The following SRP9 variants were observed in gnomAD, a reference collection of about 807,000 sequenced individuals.
The protein encoded by SRP9 is signal recognition particle 9.
In SRP9, 2 loss-of-function variants were observed where a neutral mutation model predicts 11.7. That is an observed-to-expected ratio of 0.17 (90% CI 0.07 to 0.54). The LOEUF is 0.54. SRP9 is among the 20% of genes least tolerant of loss of function. The probability of loss-of-function intolerance (pLI) is 0.94; values close to 1 mark genes in which losing one functional copy is unlikely to be tolerated. For synonymous variants in SRP9, 27 were observed against 35.6 expected (o/e 0.76, Z 0.86); for missense variants, 54 against 108.1 (o/e 0.50, Z 2.22).
Position 225,777,940 on chromosome 1 carries a change from G to T in SRP9, c.-1G>T, listed in dbSNP as rs1318668345. 3 of 1,613,892 alleles carry T rather than the reference G, an allele frequency of 1.9e-6. No homozygotes were observed. The highest frequency in any genetic ancestry group is 2.5e-6 in the Non-Finnish European group (3 of 1,179,794). ...TCTTTACTTTTCCACTCTAGGCCAC[G>T]ATGCCGCAGTACCAGACCTGGGAGG... On this transcript the variant is annotated 5_prime_UTR_variant, in exon 1 of 3. Transcript: ENST00000304786.
chr1:225,785,726 A>G (rs531523926), intron 2 of SRP9, among the ~76,000 whole-genome samples: 32 of 143,964 alleles, frequency 2.2e-4, no homozygotes, highest in African/African-American at 7.8e-4. Flanking sequence ...TCTATTACCC[A>G]GACTGGAGTG....
rs779811715 is a variant in SRP9 at position 225,789,335 on chromosome 1, C to T, written c.237C>T (p.Arg79=). The T allele has an allele frequency of 6.2e-7, 1 of 1,602,974 alleles. No individual in the cohort carries two copies. Among genetic ancestry groups the T allele is most frequent in the Non-Finnish European group, 8.5e-7 (1 of 1,175,432 alleles). The change falls in exon 3 of 3, where the codon CGC becomes CGT. Residue 79 remains arginine, a synonymous_variant. Coordinates refer to ENST00000304786, the MANE Select transcript of SRP9 (RefSeq NM_003133.6). ...LMRLMVAKEA[R]NVTMETE ...GACTTATGGTAGCCAAGGAAGCCCG[C>T]AATGTTACCATGGAAACTGAGTGAA...
Position 225,779,817 on chromosome 1 carries a change from A to G in SRP9, c.72+1805A>G, listed in dbSNP as rs374696921. 1.4e-4 allele frequency among the ~76,000 whole-genome samples: 22 copies of G among 152,290 alleles called. 1 individual carries two copies. The South Asian group carries it at 3.5e-3, about 24-fold the overall frequency. On this transcript the variant is annotated intron_variant, in intron 1 of 2. Transcript: ENST00000304786. ...GGTCATTTGTTTCTTCATTCAGACAATGCTACTCTGAGACCACACAGGACT... is the reference window on the plus strand; with the variant it reads ...GGTCATTTGTTTCTTCATTCAGACAGTGCTACTCTGAGACCACACAGGACT...
At chr1:225,780,638 A>T (rs1451556762) in intron 1 of SRP9, among the ~76,000 whole-genome samples, 1 of 152,186 alleles carries the variant, frequency 6.6e-6, no homozygotes, top group Non-Finnish European at 1.5e-5. Context: ...TTCTTGAGAG[A>T]TTAAGATGAA....
chr1:225,787,101 C>T (rs1665933354), intron 2 of SRP9: 1 of 277,276 alleles, frequency 3.6e-6, no homozygotes, highest in Non-Finnish European at 7.1e-6. Flanking sequence ...GCCTTAGCCT[C>T]CCAAACCACT....
intron 2 of SRP9, 48 bp from the exon 3 acceptor site, chr1:225,789,192 A>G: frequency 6.3e-7 from 1 of 1,582,426 alleles, no homozygotes; most frequent in Non-Finnish European, 8.6e-7. Context: ...CTACATTGTC[A>G]GTATCTAGTT....
intron 2 of SRP9, among the ~76,000 whole-genome samples, chr1:225,784,371 C>G (rs1442803637): frequency 1.3e-5 from 2 of 149,636 alleles, no homozygotes; most frequent in African/African-American, 4.9e-5. Flanking sequence ...CTCAGCCTCC[C>G]GAGTAGCTGG....
chr1:225,789,005 A>G, intron 2 of SRP9: 1 of 1,550,088 alleles, frequency 6.5e-7, no homozygotes, highest in African/African-American at 1.4e-5. Context: ...GAAGCTTCTA[A>G]TAGACTTCAT....
In SRP9 at chr1:225,778,196, C is replaced by A. The variant is rs550940721; in HGVS notation, c.72+184C>A. 2.6e-5 allele frequency among the ~76,000 whole-genome samples: 4 copies of A among 152,344 alleles called. No individual in the cohort carries two copies. The East Asian group carries it at 7.7e-4, about 29-fold the overall frequency. On this transcript the variant is annotated intron_variant, in intron 1 of 2. Transcript: ENST00000304786. The stretch of plus-strand genomic sequence containing the variant: ...CCCTGATCTAGCGGCCCAGTGAGGC[C>A]CTGAAGCTGGCAACAGCCAGGTTCA...
chr1:225,789,046 A>C, intron 2 of SRP9, 194 bp from the exon 3 acceptor site: 3 of 1,550,988 alleles, frequency 1.9e-6, no homozygotes, highest in Non-Finnish European at 2.6e-6. Context: ...GTGGCATTTA[A>C]ATTACTGTAC....
intron 1 of SRP9, among the ~76,000 whole-genome samples, chr1:225,781,061 T>A (rs930491814): frequency 1.5e-4 from 23 of 152,234 alleles, no homozygotes; most frequent in African/African-American, 5.5e-4. Flanking sequence ...AGCTCTAGTC[T>A]CATGAAGCTA....
chr1:225,786,845 C>CTT (rs11441168), intron 2 of SRP9: 2,547 of 1,127,442 alleles, frequency 2.3e-3, no homozygotes, highest in East Asian at 4.9e-3. Context: ...TGGTTGATTG[C>CTT]TTTTTTTTTT....
chr1:225,780,474 G>A (rs1665773079), intron 1 of SRP9, among the ~76,000 whole-genome samples: 1 of 152,108 alleles, frequency 6.6e-6, no homozygotes, highest in African/African-American at 2.4e-5. Context: ...CCGCCTCTAC[G>A]TGACAGGCAT....
chr1:225,785,529 C>T (rs1206287097), intron 2 of SRP9, among the ~76,000 whole-genome samples: 2 of 151,860 alleles, frequency 1.3e-5, no homozygotes, highest in Non-Finnish European at 2.9e-5. Flanking sequence ...TACAGGCGCC[C>T]GCCACCACGC....
chr1:225,783,338 C>T lies in SRP9; in HGVS notation c.111C>T (p.Asn37=), dbSNP rs1665835560. The T allele has an allele frequency of 6.2e-7, 1 of 1,612,482 alleles. No individual in the cohort carries two copies. The highest frequency in any genetic ancestry group is 8.5e-7 in the Non-Finnish European group (1 of 1,179,100). Residue 37 remains asparagine (N), a synonymous_variant, in exon 2 of 3, where the codon AAC becomes AAT. Coordinates refer to ENST00000304786, the MANE Select transcript of SRP9 (RefSeq NM_003133.6). Reference sequence around the variant, plus strand: ...TCAAATATAGGCATTCTGATGGGAACTTGTGTGTTAAAGTAACAGATGATT... The same window carrying T: ...TCAAATATAGGCATTCTGATGGGAATTTGTGTGTTAAAGTAACAGATGATT... ...VVLKYRHSDG[N]LCVKVTDDLV...
At chr1:225,783,490 T>G (rs1008053536) in intron 2 of SRP9, 122 bp downstream of exon 2, 1 of 778,454 alleles carries the variant, frequency 1.3e-6, no homozygotes, top group African/African-American at 1.7e-5. Context: ...GCATTTCATT[T>G]AAAGATGAAG....
At chr1:225,787,233 G>C (rs1051625310) in intron 2 of SRP9, among the ~76,000 whole-genome samples, 2 of 152,066 alleles carry the variant, frequency 1.3e-5, no homozygotes, top group Admixed American at 6.6e-5. Context: ...CCTATGTCCT[G>C]TCTTAAAAAT....
At chr1:225,787,403 C>G (rs1302449138) in intron 2 of SRP9, among the ~76,000 whole-genome samples, 1 of 151,958 alleles carries the variant, frequency 6.6e-6, no homozygotes, top group Non-Finnish European at 1.5e-5. Flanking sequence ...TGGTGGGTGC[C>G]TGTAATCTCA....
chr1:225,780,620 T>C lies in SRP9; in HGVS notation c.72+2608T>C, dbSNP rs571586484. Among the ~76,000 whole-genome samples the C allele has an allele frequency of 5.9e-5, 9 of 152,326 alleles. No individual in the cohort carries two copies. In the East Asian group the frequency reaches 9.6e-4, roughly 16 times the overall value. ...ATGATTTTATATCTGTTAAGTGATA[T>C]ACCTAGTTTCTTGAGAGATTAAGAT... On this transcript the variant is annotated intron_variant, in intron 1 of 2. Transcript: ENST00000304786.
Sources: gnomAD v4.1 joint callset for allele counts (sites outside exome capture counted in the v4.1 genomes callset) on GRCh38, gnomAD v4.1.1 for gene constraint, MANE v1.5 for transcripts, NCBI Gene and HGNC (gene_info 2026-07-23, HGNC 2026-07-21) for gene names.